Variants in HNRNPH2 observed in about 807,000 individuals in gnomAD.
The protein encoded by HNRNPH2 is FTP-3.
For missense variants in HNRNPH2, 115 were observed against 352.9 expected, an observed-to-expected ratio of 0.33 and a Z score of 5.40; for synonymous variants, 128 against 128.2, an observed-to-expected ratio of 1.00 and a Z score of 0.01.
At chrX:101,411,615 A>G (rs782095798) in intron 1 of HNRNPH2, among the ~76,000 whole-genome samples, 12 of 108,984 alleles carry the variant, frequency 1.1e-4, no homozygotes, top group Non-Finnish European at 2.1e-4. Flanking sequence ...GGGTTTCACC[A>G]TGTTGACCAG....
chrX:101,411,799 G>A, intron 1 of HNRNPH2, 137 bp from the exon 2 acceptor site: 1 of 611,165 alleles, frequency 1.6e-6, no homozygotes, highest in Non-Finnish European at 2.4e-6. Context: ...TAAAAATTTG[G>A]TGAACTCTCT....
rs1386883336 is a variant in HNRNPH2 at position 101,413,645 on chromosome X, A to G, written c.*307A>G. 4.0e-5 allele frequency: 9 copies of G among 224,739 alleles called. No individual in the cohort carries two copies. Among genetic ancestry groups the G allele is most frequent in the African/African-American group, 1.8e-4 (6 of 34,257 alleles). The allele number at this position is 224,739 out of a possible 1,213,427, so 18.5% of individuals were successfully genotyped here. ...ACACTGAAACATTCATCTAGGACAT[A>G]ATAACAAAGTTCAGTATTGACCATA... On this transcript the variant is annotated 3_prime_UTR_variant, in exon 2 of 2. Coordinates refer to ENST00000316594, the MANE Select transcript of HNRNPH2 (RefSeq NM_019597.5).
chrX:101,412,424 G>T lies in HNRNPH2; in HGVS notation c.436G>T (p.Asp146Tyr). 8.3e-7 allele frequency: 1 copy of T among 1,211,894 alleles called. No homozygotes were observed. The highest frequency in any genetic ancestry group is 1.1e-6 in the Non-Finnish European group (1 of 895,297). The change falls in exon 2 of 2, where the codon GAC becomes TAC. Residue 146 changes from aspartate to tyrosine, a missense_variant. Coordinates refer to ENST00000316594, the MANE Select transcript of HNRNPH2 (RefSeq NM_019597.5). ...GCCAAATGGGATGACACTGCCAGTGGACTTTCAGGGGCGAAGCACAGGGGA... is the reference window on the plus strand; with the variant it reads ...GCCAAATGGGATGACACTGCCAGTGTACTTTCAGGGGCGAAGCACAGGGGA... Reference protein sequence around the residue: ...IVPNGMTLPVDFQGRSTGEAF... With the variant: ...IVPNGMTLPVYFQGRSTGEAF...
rs782687322 is a variant in HNRNPH2 at position 101,410,966 on chromosome X, A to G, written c.-53-970A>G. Reference sequence around the variant, plus strand: ...GGCCTCCAACCAATAGAACTGATCAACTAGTCCCTCTTTGATACTATGCTT... The same window carrying G: ...GGCCTCCAACCAATAGAACTGATCAGCTAGTCCCTCTTTGATACTATGCTT... On this transcript the variant is annotated intron_variant, in intron 1 of 1. Coordinates refer to ENST00000316594, the MANE Select transcript of HNRNPH2 (RefSeq NM_019597.5). Among the ~76,000 whole-genome samples, 9 of 111,818 alleles carry G rather than the reference A, an allele frequency of 8.0e-5. No individual in the cohort carries two copies. In the East Asian group the frequency reaches 2.0e-3, roughly 24 times the overall value.
chrX:101,409,539 T>C lies in HNRNPH2; in HGVS notation c.-54+1220T>C, dbSNP rs576449019. On this transcript the variant is annotated intron_variant, in intron 1 of 1. Transcript: ENST00000316594. ...AGGCTGCATAAAAAAATTGGAAAAA[T>C]AACATGGAAAATCCATAAACCTCCC... is the stretch of plus-strand genomic sequence containing the variant. 2.7e-5 allele frequency among the ~76,000 whole-genome samples: 3 copies of C among 112,160 alleles called. No homozygotes were observed. The South Asian group carries it at 1.1e-3, about 41-fold the overall frequency.
rs1327206843 is a variant in HNRNPH2 at position 101,414,065 on chromosome X, T to C, written c.*727T>C. The stretch of plus-strand genomic sequence containing the variant: ...GTTTAAATCTTTCCTTGTATTGTGA[T>C]TTCCATTTAGATGTATTGTACTAAG... On this transcript the variant is annotated 3_prime_UTR_variant, in exon 2 of 2. Coordinates refer to ENST00000316594, the MANE Select transcript of HNRNPH2 (RefSeq NM_019597.5). 8.2e-6 allele frequency: 1 copy of C among 122,355 alleles called. No homozygotes were observed. Among genetic ancestry groups the C allele is most frequent in the African/African-American group, 3.3e-5 (1 of 30,604 alleles). The allele number at this position is 122,355 out of a possible 1,213,427, so 10.1% of individuals were successfully genotyped here.
At position 101,413,015 on chromosome X, in the gene HNRNPH2, G is replaced by T. The variant is rs1444950654; in HGVS notation, c.1027G>T (p.Ala343Ser). ...VEFATHEDAVAAMAKDKANMQ... is the reference protein window; with the variant it reads ...VEFATHEDAVSAMAKDKANMQ... ...ATTTGCTACTCATGAAGATGCTGTG[G>T]CAGCTATGGCAAAAGACAAAGCTAA... The change falls in exon 2 of 2, where the codon GCA becomes TCA. Residue 343 changes from alanine (A) to serine (S), a missense_variant. Coordinates refer to ENST00000316594, the MANE Select transcript of HNRNPH2 (RefSeq NM_019597.5). The T allele has an allele frequency of 8.3e-7, 1 of 1,208,446 alleles. No individual in the cohort carries two copies. The highest frequency in any genetic ancestry group is 1.1e-6 in the Non-Finnish European group (1 of 893,585).
At position 101,411,919 on chromosome X, in the gene HNRNPH2, CTTTT is replaced by C; in HGVS notation, c.-53-7_-53-4del. ...AGCATTTTTCCATGACAGTAGTCTT[CTTTT>C]TTTTTTTTTCAGCTACACCAAAATT... On this transcript the variant is annotated splice_polypyrimidine_tract_variant and intron_variant, in intron 1 of 1. Transcript: ENST00000316594. The C allele has an allele frequency of 1.1e-6, 1 of 930,048 alleles. No homozygotes were observed. The highest frequency in any genetic ancestry group is 3.6e-5 in the Admixed American group (1 of 27,777). The allele number at this position is 930,048 out of a possible 1,213,427, so 76.6% of individuals were successfully genotyped here.
At position 101,412,609 on chromosome X, in the gene HNRNPH2, A is replaced by T; in HGVS notation, c.621A>T (p.Pro207=). The T allele has an allele frequency of 8.2e-7, 1 of 1,212,162 alleles. No homozygotes were observed. Among genetic ancestry groups the T allele is most frequent in the South Asian group, 1.8e-5 (1 of 57,029 alleles). ...PPRKLMAMQR[P]GPYDRPGAGR... ...GAAAGCTCATGGCTATGCAGCGGCC[A>T]GGTCCCTATGATAGGCCGGGGGCTG... Residue 207 remains proline, a synonymous_variant, in exon 2 of 2, where the codon CCA becomes CCT. Coordinates refer to ENST00000316594, the MANE Select transcript of HNRNPH2 (RefSeq NM_019597.5).
At position 101,413,655 on chromosome X, in the gene HNRNPH2, T is replaced by G; in HGVS notation, c.*317T>G. 1 of 208,184 alleles carries G rather than the reference T, an allele frequency of 4.8e-6. No individual in the cohort carries two copies. The highest frequency in any genetic ancestry group is 9.3e-6 in the Non-Finnish European group (1 of 107,453). The allele number at this position is 208,184 out of a possible 1,213,427, so 17.2% of individuals were successfully genotyped here. ...ATTCATCTAGGACATAATAACAAAG[T>G]TCAGTATTGACCATAACTGTTAAAA... On this transcript the variant is annotated 3_prime_UTR_variant, in exon 2 of 2. Transcript: ENST00000316594.
At chrX:101,410,541 T>A (rs1172941529) in intron 1 of HNRNPH2, among the ~76,000 whole-genome samples, 1 of 112,512 alleles carries the variant, frequency 8.9e-6, no homozygotes, top group Admixed American at 9.4e-5. Flanking sequence ...TCATACTTAA[T>A]CTGTTATCAA....
rs1555988397 is a variant in HNRNPH2 at position 101,412,546 on chromosome X, T to C, written c.558T>C (p.Ser186=). The C allele has an allele frequency of 8.3e-7, 1 of 1,211,284 alleles. No individual in the cohort carries two copies. The highest frequency in any genetic ancestry group is 2.2e-5 in the Admixed American group (1 of 46,035). ...ACAGGTACATTGAGATCTTCAAGAG[T>C]AGCCGAGCTGAAGTTCGAACCCACT... is the stretch of plus-strand genomic sequence containing the variant. ...IGHRYIEIFK[S]SRAEVRTHYD... is the part of the protein sequence containing the mutation. The change falls in exon 2 of 2, where the codon AGT becomes AGC. Residue 186 remains serine (S), a synonymous_variant. Transcript: ENST00000316594.
At chrX:101,411,190 A>G (rs1019609856) in intron 1 of HNRNPH2, among the ~76,000 whole-genome samples, 3 of 110,926 alleles carry the variant, frequency 2.7e-5, no homozygotes, top group Non-Finnish European at 5.7e-5. Flanking sequence ...TCTTTTTTTC[A>G]TTTATCTCTG....
rs1217222278 is a variant in HNRNPH2, at chrX:101,413,488, T to G, written c.*150T>G. 2.3e-6 allele frequency: 1 copy of G among 426,772 alleles called. No individual in the cohort carries two copies. The highest frequency in any genetic ancestry group is 3.9e-6 in the Non-Finnish European group (1 of 259,141). 35.2% of individuals were successfully genotyped at this position (426,772 alleles called of 1,213,427 possible). ...TGATCACTCTTGGTCAGCTTCTCTT[T>G]CTTTATCTTTCTTTCTCCTTTTTTA... is the stretch of plus-strand genomic sequence containing the variant. On this transcript the variant is annotated 3_prime_UTR_variant, in exon 2 of 2. Coordinates refer to ENST00000316594, the MANE Select transcript of HNRNPH2 (RefSeq NM_019597.5).
intron 1 of HNRNPH2, among the ~76,000 whole-genome samples, chrX:101,409,682 T>A (rs1051222382): frequency 1.1e-4 from 12 of 111,346 alleles, no homozygotes; most frequent in Non-Finnish European, 2.1e-4. Context: ...AAAGCCCACT[T>A]CACCCCCCCA....
At position 101,411,960 on chromosome X, in the gene HNRNPH2, A is replaced by C; in HGVS notation, c.-29A>C. ...GCTACACCAAAATTGCATTGAGCCA[A>C]ACTTGCCACCAAGAGCCCAACAATC... is the stretch of plus-strand genomic sequence containing the variant. On this transcript the variant is annotated 5_prime_UTR_variant, in exon 2 of 2. Transcript: ENST00000316594. 1 of 1,165,443 alleles carries C rather than the reference A, an allele frequency of 8.6e-7. No homozygotes were observed. The highest frequency in any genetic ancestry group is 1.1e-6 in the Non-Finnish European group (1 of 876,114).
rs1299616790 is a variant in HNRNPH2, at chrX:101,414,007, G to A, written c.*669G>A. The A allele has an allele frequency of 8.3e-6, 1 of 120,701 alleles. No individual in the cohort carries two copies. Among genetic ancestry groups the A allele is most frequent in the Non-Finnish European group, 1.9e-5 (1 of 52,700 alleles). The allele number at this position is 120,701 out of a possible 1,213,427, so 9.9% of individuals were successfully genotyped here. A position where few individuals can be genotyped will look rare whatever the true frequency, so the allele number is the denominator to read the frequency against. On this transcript the variant is annotated 3_prime_UTR_variant, in exon 2 of 2. Transcript: ENST00000316594. ...GTAATACCAATACTTTAGAAGTTTG[G>A]TCGTGTCGTTTGTATGAAAATCTGA...
intron 1 of HNRNPH2, among the ~76,000 whole-genome samples, chrX:101,411,404 ATTTTTTTTTTT>A (rs782617767): frequency 1.0e-4 from 5 of 48,953 alleles, no homozygotes; most frequent in Admixed American, 2.4e-4. Context: ...GTTGCTGTTA[ATTTTTTTTTTT>A]TTTTTTTTTT....
At position 101,412,972 on chromosome X, in the gene HNRNPH2, C is replaced by T. The variant is rs374730321; in HGVS notation, c.984C>T (p.Thr328=). ...HIEIGPDGRV[T]GEADVEFATH... ...AAATTGGACCCGATGGCAGAGTTAC[C>T]GGTGAGGCAGATGTTGAATTTGCTA... is the stretch of plus-strand genomic sequence containing the variant. The change falls in exon 2 of 2, where the codon ACC becomes ACT. Residue 328 remains threonine (T), a synonymous_variant. Coordinates refer to ENST00000316594, the MANE Select transcript of HNRNPH2 (RefSeq NM_019597.5). 4.1e-6 allele frequency: 5 copies of T among 1,208,947 alleles called. No individual in the cohort carries two copies. The South Asian group carries it at 5.3e-5, about 13-fold the overall frequency.
Sources: gnomAD v4.1 joint callset for allele counts (sites outside exome capture counted in the v4.1 genomes callset) on GRCh38, gnomAD v4.1.1 for gene constraint, MANE v1.5 for transcripts, NCBI Gene and HGNC (gene_info 2026-07-23, HGNC 2026-07-21) for gene names.